SGCZ: variants seen among roughly 807,000 people sequenced by gnomAD.
SGCZ encodes the protein zeta-sarcoglycan.
In SGCZ, 40 loss-of-function variants were observed where a neutral mutation model predicts 41.3. That is an observed-to-expected ratio of 0.97 (90% CI 0.75 to 1.26). The LOEUF (loss-of-function observed/expected upper bound fraction) is 1.26, where lower values mean the gene tolerates loss of function less well. Ranked by LOEUF, SGCZ falls within the 50% of genes most tolerant of loss-of-function variation. SGCZ has a pLI of 0.00. For missense variants in SGCZ, 552 were observed against 369.8 expected (o/e 1.49, Z -4.04); for synonymous variants, 206 against 137.5 (o/e 1.50, Z -3.49).
At chr8:14,723,652 T>C (rs1437822635) in intron 1 of SGCZ, among the ~76,000 whole-genome samples, 1 of 151,414 alleles carries the variant, frequency 6.6e-6, no homozygotes, top group African/African-American at 2.5e-5. Flanking sequence ...ATAGAACACA[T>C]GAAATTTATA....
At chr8:14,118,787 C>G (rs1802602010) in intron 5 of SGCZ, among the ~76,000 whole-genome samples, 1 of 152,138 alleles carries the variant, frequency 6.6e-6, no homozygotes, top group Admixed American at 6.6e-5. Context: ...TATGGCTAGC[C>G]AGTTTTCCCA....
chr8:15,082,086 G>A (rs1805772256), intron 1 of SGCZ, among the ~76,000 whole-genome samples: 1 of 151,902 alleles, frequency 6.6e-6, no homozygotes, highest in Non-Finnish European at 1.5e-5. Context: ...AAAATTAGCT[G>A]GGCATGATCG....
At chr8:14,523,400 C>A (rs1007324721) in intron 2 of SGCZ, among the ~76,000 whole-genome samples, 1 of 152,006 alleles carries the variant, frequency 6.6e-6, no homozygotes, top group African/African-American at 2.4e-5. Context: ...TCTTAAATTT[C>A]TCTACATTCT....
chr8:14,674,187 G>C (rs975774977), intron 1 of SGCZ, among the ~76,000 whole-genome samples: 20 of 152,030 alleles, frequency 1.3e-4, no homozygotes, highest in African/African-American at 4.6e-4. Flanking sequence ...TAAAAGAAAA[G>C]TAAGAATCCC....
chr8:14,894,310 T>C (rs1241838492), intron 1 of SGCZ, among the ~76,000 whole-genome samples: 1 of 152,228 alleles, frequency 6.6e-6, no homozygotes, highest in Non-Finnish European at 1.5e-5. Flanking sequence ...CAGTTGACTT[T>C]TGAAGAGCAC....
At chr8:14,424,198 C>A (rs547758064) in intron 2 of SGCZ, among the ~76,000 whole-genome samples, 32 of 151,906 alleles carry the variant, frequency 2.1e-4, no homozygotes, top group Non-Finnish European at 4.1e-4. Flanking sequence ...GTAAGGAGGG[C>A]GGGATAAAAA....
intron 1 of SGCZ, among the ~76,000 whole-genome samples, chr8:14,770,475 C>T (rs946359765): frequency 2.4e-4 from 37 of 151,122 alleles, no homozygotes; most frequent in Admixed American, 1.9e-3. Context: ...TGTATGATTG[C>T]CATAAGGAAA....
intron 4 of SGCZ, among the ~76,000 whole-genome samples, chr8:14,213,165 A>T (rs1244325635): frequency 6.6e-6 from 1 of 152,148 alleles, no homozygotes; most frequent in Non-Finnish European, 1.5e-5. Flanking sequence ...AATAGACAAA[A>T]TCTTTCCAAC....
intron 1 of SGCZ, among the ~76,000 whole-genome samples, chr8:15,023,303 G>A (rs1316658495): frequency 6.6e-6 from 1 of 152,140 alleles, no homozygotes; most frequent in Non-Finnish European, 1.5e-5. Context: ...GCTGGTTTGT[G>A]GCCAGGTTTG....
chr8:14,765,631 G>A (rs1184602041), intron 1 of SGCZ, among the ~76,000 whole-genome samples: 1 of 152,102 alleles, frequency 6.6e-6, no homozygotes, highest in South Asian at 2.1e-4. Flanking sequence ...CAACAATAAA[G>A]ATACACATAA....
At chr8:15,123,657 T>G (rs76656751) in intron 1 of SGCZ, among the ~76,000 whole-genome samples, 5,819 of 152,272 alleles carry the variant, frequency 0.038, 215 homozygotes, top group African/African-American at 0.1. Flanking sequence ...TTAGTCAATA[T>G]TTACTAAGTA....
chr8:14,572,854 T>A (rs1294111977), intron 1 of SGCZ, among the ~76,000 whole-genome samples: 1 of 152,188 alleles, frequency 6.6e-6, no homozygotes, highest in African/African-American at 2.4e-5. Context: ...AGGTCTGTTT[T>A]TTTTGATATG....
At chr8:14,456,489 A>G (rs1023940382) in intron 2 of SGCZ, among the ~76,000 whole-genome samples, 2 of 152,220 alleles carry the variant, frequency 1.3e-5, no homozygotes, top group African/African-American at 4.8e-5. Flanking sequence ...TAAAGGTATT[A>G]AAATTTAGAA....
chr8:14,412,781 TAGC>T (rs35800811), intron 2 of SGCZ, among the ~76,000 whole-genome samples: 2,313 of 152,100 alleles, frequency 0.015, 61 homozygotes, highest in African/African-American at 0.052. Context: ...GGTATCAAAA[TAGC>T]AGCAACTATA....
intron 2 of SGCZ, among the ~76,000 whole-genome samples, chr8:14,427,619 G>A (rs1267633205): frequency 6.6e-6 from 1 of 151,890 alleles, no homozygotes; most frequent in African/African-American, 2.4e-5. Context: ...ATCTTTCCTT[G>A]TCATTACCAA....
chr8:14,845,964 T>C (rs1218806142), intron 1 of SGCZ, among the ~76,000 whole-genome samples: 2 of 152,170 alleles, frequency 1.3e-5, no homozygotes, highest in Non-Finnish European at 2.9e-5. Flanking sequence ...TTCTTGATGA[T>C]AAACGGGTCA....
At chr8:14,729,820 C>A (rs552412867) in intron 1 of SGCZ, among the ~76,000 whole-genome samples, 1 of 152,342 alleles carries the variant, frequency 6.6e-6, no homozygotes, top group South Asian at 2.1e-4. Flanking sequence ...CATGGTGGCT[C>A]ACACCTGTAA....
chr8:15,225,923 C>G (rs142224850), intron 1 of SGCZ, among the ~76,000 whole-genome samples: 1 of 152,288 alleles, frequency 6.6e-6, no homozygotes, highest in Admixed American at 6.5e-5. Context: ...TTTGCAATCC[C>G]ATGCCTGCTT....
chr8:14,385,526 C>G (rs2117202785), intron 2 of SGCZ, among the ~76,000 whole-genome samples: 1 of 152,232 alleles, frequency 6.6e-6, no homozygotes, highest in Non-Finnish European at 1.5e-5. Flanking sequence ...GCTGCCCAGG[C>G]TATCGATAGA....
Sources: gnomAD v4.1 joint callset for allele counts (sites outside exome capture counted in the v4.1 genomes callset) on GRCh38, gnomAD v4.1.1 for gene constraint, MANE v1.5 for transcripts, NCBI Gene and HGNC (gene_info 2026-07-23, HGNC 2026-07-21) for gene names.